INO80: variants seen among roughly 807,000 people sequenced by gnomAD.
INO80 encodes the protein chromatin-remodeling ATPase INO80.
INO80 carries 20 observed loss-of-function variants against 203.4 expected under a neutral mutation model. The ratio of observed to expected loss-of-function variants is 0.10; its 90% CI spans 0.07 to 0.14. The LOEUF (loss-of-function observed/expected upper bound fraction) is 0.14, where lower values mean the gene tolerates loss of function less well. Among genes scored for constraint, INO80 ranks in the 10% least tolerant of loss-of-function variants. The pLI is 1.00. For synonymous variants in INO80, 726 were observed against 685.2 expected, an observed-to-expected ratio of 1.06 and a Z score of -0.93; for missense variants, 1,419 against 1,914.4, an observed-to-expected ratio of 0.74 and a Z score of 4.83.
intron 12 of INO80, among the ~76,000 whole-genome samples, chr15:41,070,802 T>C (rs1242782722): frequency 6.6e-6 from 1 of 152,212 alleles, no homozygotes; most frequent in Non-Finnish European, 1.5e-5. Flanking sequence ...AGCAATTAGA[T>C]TTACCAAGTC....
At chr15:41,096,709 C>T (rs2045729651) in intron 1 of INO80, among the ~76,000 whole-genome samples, 1 of 152,126 alleles carries the variant, frequency 6.6e-6, no homozygotes, top group African/African-American at 2.4e-5. Context: ...AAATCTACAC[C>T]CCAAGCTCAC....
chr15:41,052,644 C>T (rs2044895925), intron 19 of INO80, among the ~76,000 whole-genome samples: 1 of 144,626 alleles, frequency 6.9e-6, no homozygotes, highest in African/African-American at 2.6e-5. Context: ...CTGCATTCCA[C>T]CATGGGTGAC....
intron 25 of INO80, among the ~76,000 whole-genome samples, chr15:41,026,982 A>G (rs1463928071): frequency 1.3e-5 from 2 of 152,270 alleles, no homozygotes; most frequent in African/African-American, 4.8e-5. Flanking sequence ...AAACCACAAT[A>G]GAAACTAAGC....
intron 1 of INO80, among the ~76,000 whole-genome samples, chr15:41,108,436 C>CA (rs928482362): frequency 6.6e-5 from 10 of 150,918 alleles, no homozygotes; most frequent in African/African-American, 2.4e-4. Context: ...CTAAAAAATA[C>CA]AAAAAATTAG....
chr15:41,042,725 C>T (rs569300273), intron 24 of INO80, among the ~76,000 whole-genome samples: 27 of 152,278 alleles, frequency 1.8e-4, no homozygotes, highest in Admixed American at 6.5e-4. Flanking sequence ...CCGCCTGCCT[C>T]GGACTCAAAA....
rs2045293248 is a variant in INO80, at chr15:41,070,555, A to G, written c.1606-8T>C. On this transcript the variant is annotated splice_region_variant and splice_polypyrimidine_tract_variant and intron_variant, in intron 12 of 35. Coordinates refer to ENST00000648947, the MANE Select transcript of INO80 (RefSeq NM_017553.3). ...AAGAATGCCATTAATACCCTGGGGA[A>G]AAAAAATACATGGTCAACACCTCAT... is the stretch of plus-strand genomic sequence containing the variant. 1.9e-6 allele frequency: 3 copies of G among 1,608,670 alleles called. No individual in the cohort carries two copies. The highest frequency in any genetic ancestry group is 3.3e-4 in the Middle Eastern group (2 of 6,050).
chr15:41,092,846 C>G (rs577349568), intron 4 of INO80, among the ~76,000 whole-genome samples: 1 of 152,020 alleles, frequency 6.6e-6, no homozygotes, highest in African/African-American at 2.4e-5. Flanking sequence ...TGCTTGAGGC[C>G]GGGAGTTCGA....
chr15:41,049,885 T>C (rs1303274745), intron 20 of INO80, 50 bp downstream of exon 20: 1 of 1,533,206 alleles, frequency 6.5e-7, no homozygotes, highest in Admixed American at 1.8e-5. Flanking sequence ...GACAATTCTA[T>C]CTCAAAAAAC....
chr15:41,005,573 G>C lies in INO80; in HGVS notation c.3497+20C>G. On this transcript the variant is annotated intron_variant, in intron 28 of 35. Transcript: ENST00000648947. ...GAGGGAAATTAAAAAGATAATTTTT[G>C]TAATTCCCATGAACATTACCTGTTC... is the stretch of plus-strand genomic sequence containing the variant. 1 of 1,284,706 alleles carries C rather than the reference G, an allele frequency of 7.8e-7. No homozygotes were observed. Among genetic ancestry groups the C allele is most frequent in the Non-Finnish European group, 1.1e-6 (1 of 903,114 alleles). 79.6% of individuals were successfully genotyped at this position (1,284,706 alleles called of 1,614,324 possible).
rs555426855 is a variant in INO80, at chr15:41,010,597, G to A, written c.3403-4910C>T. On this transcript the variant is annotated intron_variant, in intron 27 of 35. Transcript: ENST00000648947. ...CTCCTACTGTTTCCCAGATGGAAGG[G>A]ATGATCAGTACTACTAAGATGAAAA... Among the ~76,000 whole-genome samples the A allele has an allele frequency of 3.9e-5, 6 of 152,184 alleles. No homozygotes were observed. In the East Asian group the frequency reaches 1.2e-3, roughly 29 times the overall value.
chr15:41,059,095 G>A (rs1460031085), intron 15 of INO80, among the ~76,000 whole-genome samples: 19 of 151,920 alleles, frequency 1.3e-4, no homozygotes, highest in Admixed American at 1.2e-3. Flanking sequence ...GGGACTACAG[G>A]CATATACCAC....
At chr15:41,069,328 G>A (rs890886544) in intron 14 of INO80, among the ~76,000 whole-genome samples, 7 of 151,004 alleles carry the variant, frequency 4.6e-5, no homozygotes, top group East Asian at 2.0e-4. Context: ...CACCATGCCC[G>A]GCTAATTTTT....
chr15:41,113,217 T>C (rs1389525695), intron 1 of INO80, among the ~76,000 whole-genome samples: 1 of 151,026 alleles, frequency 6.6e-6, no homozygotes, highest in South Asian at 2.1e-4. Flanking sequence ...GCCTAACCTA[T>C]TTAATGTGAA....
intron 5 of INO80, among the ~76,000 whole-genome samples, chr15:41,091,082 G>A (rs533048314): frequency 3.6e-3 from 550 of 152,006 alleles, no homozygotes; most frequent in Non-Finnish European, 6.4e-3. Flanking sequence ...GCACCACCAC[G>A]CCCAGCTAAT....
chr15:41,113,301 T>C (rs2045983094), intron 1 of INO80, among the ~76,000 whole-genome samples: 1 of 150,300 alleles, frequency 6.7e-6, no homozygotes, highest in Non-Finnish European at 1.5e-5. Flanking sequence ...GTTTTGCTCT[T>C]GTTGCACTCC....
intron 25 of INO80, among the ~76,000 whole-genome samples, chr15:41,025,548 C>G (rs1317933420): frequency 2.0e-5 from 3 of 152,050 alleles, no homozygotes; most frequent in Non-Finnish European, 4.4e-5. Context: ...AACCCTGTCT[C>G]TACTAAAAAT....
At chr15:41,107,324 A>G (rs2045894422) in intron 1 of INO80, among the ~76,000 whole-genome samples, 1 of 152,154 alleles carries the variant, frequency 6.6e-6, no homozygotes, top group Non-Finnish European at 1.5e-5. Flanking sequence ...AACAAGGTGA[A>G]ACCCCATCTC....
intron 23 of INO80, among the ~76,000 whole-genome samples, chr15:41,046,523 G>C (rs953299183): frequency 1.3e-5 from 2 of 151,220 alleles, no homozygotes; most frequent in African/African-American, 4.9e-5. Context: ...ACTGCGCCTG[G>C]CCTATTTAAG....
At chr15:40,984,029 A>C in intron 33 of INO80, 108 bp from the exon 34 acceptor site, 1 of 1,413,950 alleles carries the variant, frequency 7.1e-7, no homozygotes, top group Admixed American at 1.8e-5. Flanking sequence ...GGCTTCTGAG[A>C]AACCAACCTG....
Sources: allele counts gnomAD v4.1 joint callset (sites outside exome capture counted in the v4.1 genomes callset), GRCh38; gene constraint gnomAD v4.1.1; transcripts MANE v1.5; gene names NCBI Gene and HGNC (gene_info 2026-07-23, HGNC 2026-07-21).